Variants in DNAH11 observed in about 807,000 individuals in gnomAD.
DNAH11 encodes axonemal beta dynein heavy chain 11.
DNAH11 carries 442 observed loss-of-function variants against 526.0 expected under a neutral mutation model. The observed-to-expected ratio is 0.84, with a 90% confidence interval of 0.78 to 0.91. DNAH11 has a LOEUF of 0.91. Among genes scored for constraint, DNAH11 ranks in the 40% least tolerant of loss-of-function variants. DNAH11 has a pLI of 0.00. For synonymous variants in DNAH11, 2,461 were observed against 1,935.9 expected, an observed-to-expected ratio of 1.27 and a Z score of -7.12; for missense variants, 6,989 against 5,448.7, an observed-to-expected ratio of 1.28 and a Z score of -8.90.
chr7:21,702,576 G>A (rs1784109892), intron 36 of DNAH11, 134 bp from the exon 37 acceptor site: 4 of 691,346 alleles, frequency 5.8e-6, no homozygotes, highest in Admixed American at 5.4e-5. Flanking sequence ...AAGAGCAGAA[G>A]AAAATAGTAT....
intron 57 of DNAH11, among the ~76,000 whole-genome samples, chr7:21,782,077 A>C (rs1434665375): frequency 6.6e-6 from 1 of 152,170 alleles, no homozygotes; most frequent in Non-Finnish European, 1.5e-5. Flanking sequence ...TGGGTCTTCA[A>C]AATATGAATT....
At chr7:21,876,032 T>C (rs1469569316) in intron 74 of DNAH11, among the ~76,000 whole-genome samples, 1 of 151,980 alleles carries the variant, frequency 6.6e-6, no homozygotes, top group Non-Finnish European at 1.5e-5. Flanking sequence ...TACAGGTGCC[T>C]GCCACCATGC....
At chr7:21,669,300 T>C (rs893381088) in intron 30 of DNAH11, among the ~76,000 whole-genome samples, 1 of 152,296 alleles carries the variant, frequency 6.6e-6, no homozygotes, top group Middle Eastern at 3.4e-3. Flanking sequence ...GCCTCTTTTG[T>C]AGCAAGGACT....
intron 40 of DNAH11, among the ~76,000 whole-genome samples, chr7:21,710,029 C>G (rs1346535224): frequency 6.6e-6 from 1 of 152,166 alleles, no homozygotes; most frequent in African/African-American, 2.4e-5. Flanking sequence ...ATGTTTTTGC[C>G]TATACATCTT....
intron 40 of DNAH11, 28 bp downstream of exon 40, chr7:21,707,863 A>G (rs371088724): frequency 1.6e-5 from 23 of 1,473,522 alleles, no homozygotes; most frequent in Non-Finnish European, 2.1e-5. Context: ...GAAGTGCTCA[A>G]TTTTTTTTTT....
At chr7:21,826,230 CTGA>C (rs1417398311) in intron 65 of DNAH11, among the ~76,000 whole-genome samples, 2 of 151,906 alleles carry the variant, frequency 1.3e-5, no homozygotes, top group Non-Finnish European at 2.9e-5. Flanking sequence ...TTATTTTTGC[CTGA>C]TAAGAAGTAT....
rs114626552 is a variant in DNAH11 at position 21,594,624 on chromosome 7, G to A, written c.2667+3047G>A. On this transcript the variant is annotated intron_variant, in intron 14 of 81. Transcript: ENST00000409508. The stretch of plus-strand genomic sequence containing the variant: ...GAAGGTGAAATTTGAACAAAGACTT[G>A]ACAGAGGTGATAGAGTCAGCCAAGT... Among the ~76,000 whole-genome samples, 1,224 of 152,246 alleles carry A rather than the reference G, an allele frequency of 8.0e-3. 11 individuals carry two copies. The highest frequency in any genetic ancestry group is 0.027 in the African/African-American group (1,131 of 41,554).
chr7:21,892,450 C>T lies in DNAH11; in HGVS notation c.12533C>T (p.Pro4178Leu), dbSNP rs1784358150. 1 of 1,611,748 alleles carries T rather than the reference C, an allele frequency of 6.2e-7. No individual in the cohort carries two copies. The highest frequency in any genetic ancestry group is 8.5e-7 in the Non-Finnish European group (1 of 1,178,276). ...SLTEDELMLA[P>L]GFAAPPYLDY... ...ACTGAAGATGAACTGATGCTGGCAC[C>T]AGGTTTTGCTGCCCCACCCTACCTA... is the stretch of plus-strand genomic sequence containing the variant. The change falls in exon 77 of 82, where the codon CCA (proline) becomes CTA (leucine). Residue 4178 changes from proline to leucine, a missense_variant. By Grantham distance (98) the Pro-to-Leu change is moderately conservative (BLOSUM62 -3). Transcript: ENST00000409508.
chr7:21,761,302 C>T (rs116048746), intron 54 of DNAH11, among the ~76,000 whole-genome samples: 292 of 152,278 alleles, frequency 1.9e-3, no homozygotes, highest in African/African-American at 6.7e-3. Flanking sequence ...CTCCCCTTTC[C>T]CTTCAAAAGA....
Position 21,590,922 on chromosome 7 carries a change from TG to T in DNAH11, c.2176del (p.Ala726LeufsTer3). 6.9e-7 allele frequency: 1 copy of T among 1,448,256 alleles called. No individual in the cohort carries two copies. Among genetic ancestry groups the T allele is most frequent in the South Asian group, 1.7e-5 (1 of 60,436 alleles). The allele number at this position is 1,448,256 out of a possible 1,614,324, so 89.7% of individuals were successfully genotyped here. A position where few individuals can be genotyped will look rare whatever the true frequency, so the allele number is the denominator to read the frequency against. ...TTAATAATTGTATTTTAATAGCTAG[TG>T]GCTGTATTGAGAGAAGTGAAATATC... ...LLCVNFDPKL[V>X]AVLREVKYLL... On this transcript the variant is annotated frameshift_variant, in exon 13 of 82. Transcript: ENST00000409508. LOFTEE classifies it high-confidence loss of function.
At chr7:21,721,307 T>G (rs1784866598) in intron 44 of DNAH11, among the ~76,000 whole-genome samples, 1 of 152,208 alleles carries the variant, frequency 6.6e-6, no homozygotes, top group South Asian at 2.1e-4. Context: ...TCCTGTGATC[T>G]CAGACCCTTT....
intron 28 of DNAH11, among the ~76,000 whole-genome samples, chr7:21,650,062 G>T (rs1787557259): frequency 6.6e-6 from 1 of 151,696 alleles, no homozygotes; most frequent in Non-Finnish European, 1.5e-5. Context: ...CCATTTTTCT[G>T]CATATATGTA....
At chr7:21,822,914 G>C (rs985233987) in intron 65 of DNAH11, among the ~76,000 whole-genome samples, 3 of 139,702 alleles carry the variant, frequency 2.1e-5, no homozygotes, top group African/African-American at 7.9e-5. Flanking sequence ...TTTTGAGAAA[G>C]ATCTACTCAG....
At chr7:21,736,273 A>G (rs1785605424) in intron 46 of DNAH11, among the ~76,000 whole-genome samples, 1 of 152,240 alleles carries the variant, frequency 6.6e-6, no homozygotes, top group Admixed American at 6.5e-5. Context: ...ATGAAATCTT[A>G]AAATCACTAG....
At chr7:21,756,585 A>G (rs1422074205) in intron 54 of DNAH11, among the ~76,000 whole-genome samples, 2 of 152,064 alleles carry the variant, frequency 1.3e-5, no homozygotes, top group Non-Finnish European at 2.9e-5. Flanking sequence ...AATTTAGGGG[A>G]TAATGGATAT....
chr7:21,741,336 TTATC>T (rs1391481991), intron 48 of DNAH11, among the ~76,000 whole-genome samples: 1 of 152,238 alleles, frequency 6.6e-6, no homozygotes, highest in Admixed American at 6.5e-5. Flanking sequence ...CACAGCTTGT[TTATC>T]CATTCATCTA....
At chr7:21,622,456 T>C (rs1180503189) in intron 25 of DNAH11, among the ~76,000 whole-genome samples, 1 of 152,078 alleles carries the variant, frequency 6.6e-6, no homozygotes, top group Non-Finnish European at 1.5e-5. Flanking sequence ...CTTCACAGAA[T>C]TGGAAAAAAC....
chr7:21,807,290 T>A (rs1051853335), intron 62 of DNAH11, among the ~76,000 whole-genome samples: 1 of 152,064 alleles, frequency 6.6e-6, no homozygotes, highest in African/African-American at 2.4e-5. Context: ...CTTGAGCTCA[T>A]GAGTTTGAGA....
intron 2 of DNAH11, among the ~76,000 whole-genome samples, chr7:21,549,133 C>T (rs924038319): frequency 2.0e-5 from 3 of 152,188 alleles, no homozygotes; most frequent in Non-Finnish European, 2.9e-5. Flanking sequence ...CTCACCTTGG[C>T]CTCCCAAAGT....
Sources: gnomAD v4.1 joint callset for allele counts (sites outside exome capture counted in the v4.1 genomes callset) on GRCh38, gnomAD v4.1.1 for gene constraint, MANE v1.5 for transcripts, NCBI Gene and HGNC (gene_info 2026-07-23, HGNC 2026-07-21) for gene names.